TMEM135: variants seen among roughly 807,000 people sequenced by gnomAD.
TMEM135 encodes the protein transmembrane protein 135, also known as peroxisomal membrane protein 52.
Under a neutral mutation model 60.3 loss-of-function variants are expected in TMEM135, and 30 were observed. The ratio of observed to expected loss-of-function variants is 0.50; its 90% CI spans 0.37 to 0.68. TMEM135 has a LOEUF of 0.68. Among genes scored for constraint, TMEM135 ranks in the 30% least tolerant of loss-of-function variants. TMEM135 has a pLI of 0.00. For synonymous variants in TMEM135, 190 were observed against 186.7 expected (o/e 1.02, Z -0.14); for missense variants, 468 against 548.8 (o/e 0.85, Z 1.47).
rs58046118 is a variant in TMEM135, at chr11:87,070,007, T to TA, written c.270-1500dup. ...GGCAACATGGTGAGACTCTGCCTGT[T>TA]AAAAAAAAAAAAAAAATTAACCAGG... On this transcript the variant is annotated intron_variant, in intron 2 of 14. Transcript: ENST00000305494. Among the ~76,000 whole-genome samples the TA allele has an allele frequency of 3.9e-3, 546 of 141,648 alleles. 3 individuals are homozygous for TA. The highest frequency in any genetic ancestry group is 6.3e-3 in the Non-Finnish European group (405 of 64,796). The allele number at this position is 141,648 out of a possible 152,430, so 92.9% of individuals were successfully genotyped here.
intron 7 of TMEM135, 72 bp downstream of exon 7, chr11:87,295,895 A>G (rs1942339787): frequency 8.2e-7 from 1 of 1,215,844 alleles, no homozygotes. Context: ...TAATTACAAT[A>G]AATAGGTATT....
At chr11:87,039,410 A>C (rs1949732097) in intron 1 of TMEM135, among the ~76,000 whole-genome samples, 1 of 152,170 alleles carries the variant, frequency 6.6e-6, no homozygotes, top group Non-Finnish European at 1.5e-5. Context: ...AACTCGTGGT[A>C]ATGCTGATGG....
At chr11:87,181,765 G>T (rs757913288) in intron 5 of TMEM135, among the ~76,000 whole-genome samples, 9 of 152,104 alleles carry the variant, frequency 5.9e-5, no homozygotes, top group African/African-American at 2.2e-4. Flanking sequence ...TAATTCTTAA[G>T]ATAAAAAAAG....
intron 4 of TMEM135, among the ~76,000 whole-genome samples, chr11:87,149,154 G>A (rs1034928479): frequency 2.6e-5 from 4 of 151,930 alleles, no homozygotes; most frequent in African/African-American, 4.8e-5. Flanking sequence ...ATTACATGCT[G>A]TATTTTACTA....
chr11:87,195,318 C>T (rs1213676090), intron 5 of TMEM135, among the ~76,000 whole-genome samples: 101 of 6,202 alleles, frequency 0.016, no homozygotes, highest in African/African-American at 0.04. Flanking sequence ...TTTCTCTTTC[C>T]TTCCTTCCTT....
intron 6 of TMEM135, among the ~76,000 whole-genome samples, chr11:87,272,016 A>G (rs998736515): frequency 1.1e-4 from 16 of 148,078 alleles, no homozygotes; most frequent in Admixed American, 6.1e-4. Context: ...CAAATTACAC[A>G]TATAGCCTGC....
At chr11:87,149,956 C>T (rs1030483617) in intron 4 of TMEM135, among the ~76,000 whole-genome samples, 1 of 152,036 alleles carries the variant, frequency 6.6e-6, no homozygotes, top group Non-Finnish European at 1.5e-5. Context: ...GTGGTGCACG[C>T]CTGTAATCCC....
At chr11:87,160,072 A>G in intron 5 of TMEM135, among the ~76,000 whole-genome samples, 1 of 152,224 alleles carries the variant, frequency 6.6e-6, no homozygotes, top group Non-Finnish European at 1.5e-5. Flanking sequence ...AGGTAGCCTC[A>G]TGACAAGTGT....
At chr11:87,090,296 A>G (rs371326082) in intron 3 of TMEM135, among the ~76,000 whole-genome samples, 2 of 152,168 alleles carry the variant, frequency 1.3e-5, no homozygotes, top group Admixed American at 1.3e-4. Flanking sequence ...TTTAATGACA[A>G]AATTACAGAG....
At chr11:87,072,529 T>C (rs1292402298) in intron 3 of TMEM135, among the ~76,000 whole-genome samples, 3 of 152,020 alleles carry the variant, frequency 2.0e-5, no homozygotes, top group Admixed American at 6.6e-5. Flanking sequence ...TACAGGCGCA[T>C]GCCACCATGC....
chr11:87,129,586 G>A (rs1165308648), intron 4 of TMEM135, among the ~76,000 whole-genome samples: 1 of 139,724 alleles, frequency 7.2e-6, no homozygotes, highest in African/African-American at 2.8e-5. Context: ...TGTCACCCAG[G>A]CTGGAGTGGA....
At chr11:87,152,692 G>T (rs921606197) in intron 4 of TMEM135, among the ~76,000 whole-genome samples, 2 of 152,206 alleles carry the variant, frequency 1.3e-5, no homozygotes, top group African/African-American at 4.8e-5. Flanking sequence ...ACCCGCCTCG[G>T]CCTCCCAAGG....
chr11:87,122,699 G>A (rs1233345750), intron 4 of TMEM135, among the ~76,000 whole-genome samples: 4 of 152,074 alleles, frequency 2.6e-5, no homozygotes, highest in South Asian at 2.1e-4. Flanking sequence ...GACCTCAGGT[G>A]ACCCACCCGC....
intron 8 of TMEM135, among the ~76,000 whole-genome samples, chr11:87,303,806 A>G (rs1021376413): frequency 2.0e-5 from 3 of 152,212 alleles, no homozygotes; most frequent in South Asian, 2.1e-4. Context: ...GACCCTATTA[A>G]TGGAAATAAT....
intron 4 of TMEM135, among the ~76,000 whole-genome samples, chr11:87,141,527 T>G (rs499388): frequency 0.48 from 72,234 of 151,922 alleles, 17,456 homozygotes; most frequent in East Asian, 0.67. Context: ...TGTGCATTTG[T>G]AAAGTTTTAT....
rs1189187862 is a variant in TMEM135, at chr11:87,322,101, GT to G, written c.*769del. 2.2e-6 allele frequency: 1 copy of G among 453,874 alleles called. No homozygotes were observed. Among genetic ancestry groups the G allele is most frequent in the African/African-American group, 2.0e-5 (1 of 50,028 alleles). 28.1% of individuals were successfully genotyped at this position (453,874 alleles called of 1,614,324 possible). ...ATGTATGTTTTAATCTTTCACAGAA[GT>G]ATTACACTTGAATATTTAAAAACAA... On this transcript the variant is annotated 3_prime_UTR_variant, in exon 15 of 15. Transcript: ENST00000305494.
Position 87,037,946 on chromosome 11 carries a change from C to T in TMEM135, c.-100C>T, listed in dbSNP as rs950019777. 2 of 1,568,780 alleles carry T rather than the reference C, an allele frequency of 1.3e-6. No individual in the cohort carries two copies. Among genetic ancestry groups the T allele is most frequent in the African/African-American group, 1.3e-5 (1 of 74,222 alleles). ...ACCTTTCCCCTCCATTCCGCACCTC[C>T]GAGTGCTGGCCGGGCGAGAGGCTGG... On this transcript the variant is annotated 5_prime_UTR_variant, in exon 1 of 15. Transcript: ENST00000305494.
chr11:87,241,140 A>G (rs1172588919), intron 6 of TMEM135, among the ~76,000 whole-genome samples: 1 of 152,080 alleles, frequency 6.6e-6, no homozygotes, highest in Non-Finnish European at 1.5e-5. Context: ...TTATCTATTT[A>G]AGAAAACCAG....
intron 4 of TMEM135, among the ~76,000 whole-genome samples, chr11:87,151,839 C>G (rs998518611): frequency 6.6e-6 from 1 of 152,058 alleles, no homozygotes; most frequent in Non-Finnish European, 1.5e-5. Context: ...GGATGGTGGC[C>G]TAACATTCGC....
Sources: allele counts gnomAD v4.1 joint callset (sites outside exome capture counted in the v4.1 genomes callset), GRCh38; gene constraint gnomAD v4.1.1; transcripts MANE v1.5; gene names NCBI Gene and HGNC (gene_info 2026-07-23, HGNC 2026-07-21).